The following ZNF518A variants were observed in gnomAD, a reference collection of about 807,000 sequenced individuals.
The protein encoded by ZNF518A is zinc finger protein 518.
In ZNF518A, 47 loss-of-function variants were observed where a neutral mutation model predicts 102.7. The observed-to-expected ratio is 0.46, with a 90% CI of 0.36 to 0.58. The LOEUF (loss-of-function observed/expected upper bound fraction) is 0.58, where lower values mean the gene tolerates loss of function less well. Among genes scored for constraint, ZNF518A ranks in the 20% least tolerant of loss-of-function variants. The pLI, the probability that ZNF518A is intolerant of heterozygous loss-of-function variation, is 0.00. For synonymous variants in ZNF518A, 652 were observed against 594.6 expected, an observed-to-expected ratio of 1.10 and a Z score of -1.40; for missense variants, 1,793 against 1,699.8, an observed-to-expected ratio of 1.05 and a Z score of -0.96.
chr10:96,181,713 C>A (rs1279738933), intron 1 of ZNF518A, among the ~76,000 whole-genome samples: 1 of 152,148 alleles, frequency 6.6e-6, no homozygotes, highest in Non-Finnish European at 1.5e-5. Flanking sequence ...GTTTTGGTAC[C>A]AGTACCATTC....
exon 2 of ZNF518A, chr10:96,203,586 C>T (rs2083711359): frequency 6.5e-6 from 1 of 152,676 alleles, no homozygotes. Context: ...TGATGTTTGC[C>T]TTGGAAAAAT....
In ZNF518A at chr10:96,200,285, A is replaced by G; in HGVS notation, n.36-3289A>G. 1 of 651,966 alleles carries G rather than the reference A, an allele frequency of 1.5e-6. No individual in the cohort carries two copies. Among genetic ancestry groups the G allele is most frequent in the Non-Finnish European group, 2.7e-6 (1 of 369,742 alleles). 40.4% of individuals were successfully genotyped at this position (651,966 alleles called of 1,614,324 possible). A position where few individuals can be genotyped will look rare whatever the true frequency, so the allele number is the denominator to read the frequency against. On this transcript the variant is annotated intron_variant and non_coding_transcript_variant, in intron 1 of 2. Transcript: ENST00000442635. This position sits in a 1 kb window ranked among gnomAD's most constrained non-coding sequence, Gnocchi z 4.3. ...CTACATTTACACCAATAATTTTAAG[A>G]TGAGTTTTATTTTTCCTTTGATCAA...
At chr10:96,141,960 T>G (rs2081949497) in intron 3 of ZNF518A, among the ~76,000 whole-genome samples, 1 of 152,188 alleles carries the variant, frequency 6.6e-6, no homozygotes, top group African/African-American at 2.4e-5. Context: ...CAGGCTGGTC[T>G]TGAACTCCTG....
Position 96,156,872 on chromosome 10 carries a change from A to T in ZNF518A, c.550A>T (p.Asn184Tyr). Residue 184 changes from asparagine (N) to tyrosine (Y), a missense_variant, in exon 6 of 6, where the codon AAT becomes TAT. By Grantham distance (143) the Asn-to-Tyr change is moderately radical. Transcript: ENST00000316045. ...STLVKCDICNNESVYTLLNLT... is the reference protein window; with the variant it reads ...STLVKCDICNYESVYTLLNLT... Reference sequence around the variant, plus strand: ...TTTAGTAAAATGTGACATTTGTAACAATGAGAGTGTATATACTTTACTGAA... The same window carrying T: ...TTTAGTAAAATGTGACATTTGTAACTATGAGAGTGTATATACTTTACTGAA... 1 of 1,613,858 alleles carries T rather than the reference A, an allele frequency of 6.2e-7. No homozygotes were observed. The highest frequency in any genetic ancestry group is 8.5e-7 in the Non-Finnish European group (1 of 1,179,790).
intron 3 of ZNF518A, among the ~76,000 whole-genome samples, chr10:96,134,263 C>T (rs1375102525): frequency 3.3e-5 from 5 of 152,214 alleles, no homozygotes; most frequent in African/African-American, 1.2e-4. Context: ...CGGAGTCTCA[C>T]TCTGCCACCC....
In ZNF518A at chr10:96,158,645, G is replaced by T. The variant is rs1439030818; in HGVS notation, c.2323G>T (p.Ala775Ser). ...TSVFSLQSQQ[A>S]SEFLPPEVNQ... Reference sequence around the variant, plus strand: ...TGTTTTCTCTCTCCAGAGCCAACAGGCATCAGAATTTCTGCCACCTGAAGT... The same window carrying T: ...TGTTTTCTCTCTCCAGAGCCAACAGTCATCAGAATTTCTGCCACCTGAAGT... The change falls in exon 6 of 6, where the codon GCA becomes TCA. Residue 775 changes from alanine (A) to serine (S), a missense_variant. Physicochemically the swap from Ala to Ser is moderately conservative, Grantham distance 99. Coordinates refer to ENST00000316045, the MANE Select transcript of ZNF518A (RefSeq NM_001330736.2). 6.2e-7 allele frequency: 1 copy of T among 1,613,264 alleles called. No homozygotes were observed. The highest frequency in any genetic ancestry group is 1.3e-5 in the African/African-American group (1 of 74,998).
chr10:96,180,523 G>A (rs1259600217), intron 1 of ZNF518A, among the ~76,000 whole-genome samples: 2 of 151,032 alleles, frequency 1.3e-5, no homozygotes, highest in Non-Finnish European at 2.9e-5. Context: ...AGGCCCCAGT[G>A]TGTGATGTTC....
chr10:96,186,969 C>G (rs2083275504), intron 1 of ZNF518A, among the ~76,000 whole-genome samples: 1 of 152,112 alleles, frequency 6.6e-6, no homozygotes, highest in Non-Finnish European at 1.5e-5. Flanking sequence ...GCTATTTTGT[C>G]CATGGATAGG....
Position 96,200,889 on chromosome 10 carries a change from A to C in ZNF518A, n.36-2685A>C. 4.4e-6 allele frequency: 5 copies of C among 1,138,682 alleles called. No homozygotes were observed. Among genetic ancestry groups the C allele is most frequent in the Non-Finnish European group, 6.7e-6 (5 of 747,230 alleles). 70.5% of individuals were successfully genotyped at this position (1,138,682 alleles called of 1,614,324 possible). On this transcript the variant is annotated intron_variant and non_coding_transcript_variant, in intron 1 of 2. Transcript: ENST00000442635. The surrounding 1 kb of genome is among the most constrained non-coding windows in gnomAD (Gnocchi z 4.3). ...GATGTAAAATACAGTCTCTGTTCTC[A>C]AGGTTCACTCCAAATGTCTTCTTCT...
chr10:96,189,431 A>G (rs1439764698), intron 1 of ZNF518A: 4 of 607,504 alleles, frequency 6.6e-6, no homozygotes, highest in South Asian at 1.4e-5. Context: ...AATTCTTCAC[A>G]TAATTGATGA....
intron 1 of ZNF518A, among the ~76,000 whole-genome samples, chr10:96,176,465 C>A (rs1267689943): frequency 2.0e-5 from 3 of 152,164 alleles, no homozygotes; most frequent in African/African-American, 7.2e-5. Context: ...ATGAAGAAAA[C>A]CATCCCAAAC....
intron 1 of ZNF518A, among the ~76,000 whole-genome samples, chr10:96,199,048 A>AT (rs2083555686): frequency 6.6e-6 from 1 of 152,156 alleles, no homozygotes; most frequent in African/African-American, 2.4e-5. Context: ...TGTAAACACG[A>AT]TTTTTCCTCA....
At chr10:96,146,337 C>T (rs1190414729) in intron 3 of ZNF518A, among the ~76,000 whole-genome samples, 1 of 152,148 alleles carries the variant, frequency 6.6e-6, no homozygotes, top group East Asian at 1.9e-4. Flanking sequence ...TATGCCTTTT[C>T]TCCAGACTCT....
At chr10:96,180,455 A>C (rs1312938529) in intron 1 of ZNF518A, among the ~76,000 whole-genome samples, 18 of 151,570 alleles carry the variant, frequency 1.2e-4, no homozygotes, top group Non-Finnish European at 2.2e-4. Flanking sequence ...ATTAACTCGT[A>C]ATTTACATTA....
rs1554885273 is a variant in ZNF518A at position 96,158,940 on chromosome 10, G to A, written c.2618G>A (p.Arg873Lys). The change falls in exon 6 of 6, where the codon AGA becomes AAA. Residue 873 changes from arginine (R) to lysine (K), a missense_variant. Around this residue, in one of 3 missense-constraint regions of ZNF518A, gnomAD observed 1,741 missense variants for 1,622.6 expected, o/e 1.07. Transcript: ENST00000316045. ...KQVSSIPQDV[R>K]DSEKMPRISG... ...GTGTCATCAATACCACAAGATGTGAGAGATTCAGAGAAGATGCCTAGAATT... is the reference window on the plus strand; with the variant it reads ...GTGTCATCAATACCACAAGATGTGAAAGATTCAGAGAAGATGCCTAGAATT... The A allele has an allele frequency of 6.2e-7, 1 of 1,613,518 alleles. No individual in the cohort carries two copies. Among genetic ancestry groups the A allele is most frequent in the Non-Finnish European group, 8.5e-7 (1 of 1,179,678 alleles).
At chr10:96,168,900 T>C (rs1410506668) in intron 1 of ZNF518A, among the ~76,000 whole-genome samples, 1 of 152,364 alleles carries the variant, frequency 6.6e-6, no homozygotes, top group East Asian at 1.9e-4. Context: ...GATTAATTTT[T>C]GTTAAATCTC....
intron 1 of ZNF518A, chr10:96,189,977 G>A: frequency 1.2e-6 from 1 of 858,346 alleles, no homozygotes; most frequent in Non-Finnish European, 2.0e-6. Context: ...TGGCTGTACA[G>A]ACATTTTCAA....
chr10:96,140,218 G>A (rs782563784), intron 3 of ZNF518A, among the ~76,000 whole-genome samples: 3 of 152,294 alleles, frequency 2.0e-5, no homozygotes, highest in African/African-American at 7.2e-5. Flanking sequence ...TGGGGAGTAA[G>A]GGATGGAGGA....
At chr10:96,166,318 C>T (rs1165491948), downstream of ZNF518A, among the ~76,000 whole-genome samples, 1 of 152,162 alleles carries the variant, frequency 6.6e-6, no homozygotes, top group East Asian at 1.9e-4. Context: ...CTAGGTATTC[C>T]TTAATGCATT....
Sources: gnomAD v4.1 joint callset for allele counts (sites outside exome capture counted in the v4.1 genomes callset) on GRCh38, gnomAD v4.1.1 for gene constraint, gnomAD v4.1.1 regional missense constraint, Gnocchi (gnomAD v3.1) non-coding constraint, MANE v1.5 for transcripts, NCBI Gene and HGNC (gene_info 2026-07-23, HGNC 2026-07-21) for gene names.